The following KCNAB1 variants were observed in gnomAD, a reference collection of about 807,000 sequenced individuals.
KCNAB1 encodes the protein voltage-gated potassium channel subunit beta-1.
In KCNAB1, 35 loss-of-function variants were observed where a neutral mutation model predicts 64.6. The observed-to-expected ratio is 0.54, with a 90% CI of 0.41 to 0.72. The LOEUF is 0.72. KCNAB1 is among the 30% of genes least tolerant of loss of function. The pLI is 0.00. For synonymous variants in KCNAB1, 177 were observed against 183.8 expected (o/e 0.96, Z 0.30); for missense variants, 401 against 512.9 (o/e 0.78, Z 2.11).
Position 156,452,225 on chromosome 3 carries a change from G to C in KCNAB1, c.320-674G>C, listed in dbSNP as rs1712062904. Among the ~76,000 whole-genome samples the C allele has an allele frequency of 6.6e-6, 1 of 152,184 alleles. No homozygotes were observed. Among genetic ancestry groups the C allele is most frequent in the Non-Finnish European group, 1.5e-5 (1 of 68,024 alleles). On this transcript the variant is annotated intron_variant, in intron 2 of 13. Transcript: ENST00000490337. The surrounding 1 kb of genome is among the most constrained non-coding windows in gnomAD (Gnocchi z 4.6). ...CATAGCAAGTGCCCACTCCACTTCA[G>C]CTTCCCTTCTACTTTACAAAGTTTC... is the stretch of plus-strand genomic sequence containing the variant.
At chr3:156,326,896 G>A (rs183036021) in intron 1 of KCNAB1, among the ~76,000 whole-genome samples, 63 of 152,008 alleles carry the variant, frequency 4.1e-4, no homozygotes, top group African/African-American at 1.5e-3. Context: ...ATTATTTGGG[G>A]TCTTTTTTGT....
chr3:156,225,050 A>G (rs759294869), intron 1 of KCNAB1, among the ~76,000 whole-genome samples: 1 of 152,200 alleles, frequency 6.6e-6, no homozygotes, highest in South Asian at 2.1e-4. Flanking sequence ...GAAAGAGGAA[A>G]TCCTCCCTAA....
intron 1 of KCNAB1, among the ~76,000 whole-genome samples, chr3:156,131,053 A>C (rs941894235): frequency 6.6e-6 from 1 of 152,222 alleles, no homozygotes; most frequent in Admixed American, 6.5e-5. Flanking sequence ...GGCTTTGGCC[A>C]TCTCCTTCTC....
At chr3:156,138,815 C>T (rs1258541211) in intron 1 of KCNAB1, among the ~76,000 whole-genome samples, 1 of 152,180 alleles carries the variant, frequency 6.6e-6, no homozygotes. Context: ...TCCAAGGTCA[C>T]ACTATTGTTT....
At chr3:156,230,680 A>G (rs919502888) in intron 1 of KCNAB1, among the ~76,000 whole-genome samples, 3 of 152,206 alleles carry the variant, frequency 2.0e-5, no homozygotes, top group Admixed American at 6.5e-5. Context: ...AGCTTGTGCT[A>G]TGAAGTAAAC....
At chr3:156,529,640 A>C (rs1718561367) in intron 12 of KCNAB1, among the ~76,000 whole-genome samples, 2 of 152,210 alleles carry the variant, frequency 1.3e-5, no homozygotes, top group Admixed American at 6.5e-5. Flanking sequence ...GGCCCTCTGG[A>C]TGATTCTGAT....
intron 13 of KCNAB1, among the ~76,000 whole-genome samples, chr3:156,535,800 ATC>A (rs3085729): frequency 0.53 from 80,067 of 151,696 alleles, 21,288 homozygotes; most frequent in Admixed American, 0.57. Context: ...CATATCTAAT[ATC>A]TGTGTCCCCT....
intron 1 of KCNAB1, among the ~76,000 whole-genome samples, chr3:156,304,616 T>C (rs541808346): frequency 6.6e-6 from 1 of 152,346 alleles, no homozygotes. Context: ...TGTTGGCATG[T>C]GGCAGTGGAA....
At chr3:156,136,502 C>G (rs2108272025) in intron 1 of KCNAB1, among the ~76,000 whole-genome samples, 1 of 152,320 alleles carries the variant, frequency 6.6e-6, no homozygotes, top group African/African-American at 2.4e-5. Context: ...TCTCAGCACC[C>G]TGCAAGCATT....
chr3:156,172,576 G>A (rs1057219383), intron 1 of KCNAB1, among the ~76,000 whole-genome samples: 1 of 152,124 alleles, frequency 6.6e-6, no homozygotes, highest in Non-Finnish European at 1.5e-5. Flanking sequence ...CACCACATGC[G>A]GCTATCAAAC....
intron 1 of KCNAB1, among the ~76,000 whole-genome samples, chr3:156,284,330 A>G (rs2108508173): frequency 6.6e-6 from 1 of 152,304 alleles, no homozygotes; most frequent in Non-Finnish European, 1.5e-5. Context: ...CCGTTCTCAG[A>G]TCTCCAGCTG....
chr3:156,281,243 C>A (rs1268505868), intron 1 of KCNAB1, among the ~76,000 whole-genome samples: 1 of 150,608 alleles, frequency 6.6e-6, no homozygotes, highest in Non-Finnish European at 1.5e-5. Flanking sequence ...TTGTCTTTGG[C>A]TCTGTTTATA....
In KCNAB1 at chr3:156,294,348, A is replaced by G. The variant is rs1490832310; in HGVS notation, c.276-127268A>G. On this transcript the variant is annotated intron_variant, in intron 1 of 13. Coordinates refer to ENST00000490337, the MANE Select transcript of KCNAB1 (RefSeq NM_172160.3). Reference sequence around the variant, plus strand: ...TTGTGCTCATGTTCCAAGCCACTCTATCTGTAACAGTCAGGAGATTTGCCT... The same window carrying G: ...TTGTGCTCATGTTCCAAGCCACTCTGTCTGTAACAGTCAGGAGATTTGCCT... Among the ~76,000 whole-genome samples the G allele has an allele frequency of 6.6e-5, 10 of 152,114 alleles. No individual in the cohort carries two copies. In the East Asian group the frequency reaches 1.3e-3, roughly 21 times the overall value.
At chr3:156,377,464 G>T (rs1711767036) in intron 1 of KCNAB1, among the ~76,000 whole-genome samples, 2 of 152,138 alleles carry the variant, frequency 1.3e-5, no homozygotes, top group South Asian at 2.1e-4. Context: ...ACCAATGGTT[G>T]TATACTGCCA....
At chr3:156,335,869 T>G (rs1476716292) in intron 1 of KCNAB1, among the ~76,000 whole-genome samples, 2 of 150,648 alleles carry the variant, frequency 1.3e-5, no homozygotes, top group Non-Finnish European at 3.0e-5. Context: ...TTTTTTTTTT[T>G]GCATTACACA....
intron 11 of KCNAB1, among the ~76,000 whole-genome samples, chr3:156,522,344 G>A (rs1030213667): frequency 5.3e-5 from 8 of 152,002 alleles, no homozygotes; most frequent in Non-Finnish European, 1.0e-4. Flanking sequence ...GTAAGTTCAG[G>A]GACTCTCTGA....
At chr3:156,347,894 G>A (rs533023180) in intron 1 of KCNAB1, among the ~76,000 whole-genome samples, 60 of 152,208 alleles carry the variant, frequency 3.9e-4, no homozygotes, top group African/African-American at 1.1e-3. Context: ...AACCAGAAAC[G>A]GGGATTAGTT....
chr3:156,467,391 T>G (rs773229974), intron 7 of KCNAB1, among the ~76,000 whole-genome samples: 2 of 152,148 alleles, frequency 1.3e-5, no homozygotes, highest in African/African-American at 2.4e-5. Context: ...AGTGATTTTC[T>G]CCTTTTTAAA....
chr3:156,468,489 C>G (rs1247136831), intron 7 of KCNAB1, among the ~76,000 whole-genome samples: 2 of 152,038 alleles, frequency 1.3e-5, no homozygotes, highest in Non-Finnish European at 2.9e-5. Context: ...TCAAATCAGA[C>G]CTTTGTTCAA....
Sources: allele counts gnomAD v4.1 joint callset (sites outside exome capture counted in the v4.1 genomes callset), GRCh38; gene constraint gnomAD v4.1.1; non-coding constraint Gnocchi (gnomAD v3.1); transcripts MANE v1.5; gene names NCBI Gene and HGNC (gene_info 2026-07-23, HGNC 2026-07-21).